GNL2: variants seen among roughly 807,000 people sequenced by gnomAD.
The protein encoded by GNL2 is G protein nucleolar 2.
Under a neutral mutation model 92.3 loss-of-function variants are expected in GNL2, and 51 were observed. The observed-to-expected ratio is 0.55, with a 90% CI of 0.44 to 0.70. The LOEUF (loss-of-function observed/expected upper bound fraction) is 0.70, where lower values mean the gene tolerates loss of function less well. GNL2 is among the 30% of genes least tolerant of loss of function. The probability of loss-of-function intolerance (pLI) is 0.00; values close to 1 mark genes in which losing one functional copy is unlikely to be tolerated. For synonymous variants in GNL2, 283 were observed against 300.6 expected, an observed-to-expected ratio of 0.94 and a Z score of 0.61; for missense variants, 844 against 895.6, an observed-to-expected ratio of 0.94 and a Z score of 0.74.
chr1:37,574,533 TC>T, intron 11 of GNL2, 77 bp from the exon 12 acceptor site: 1 of 1,405,136 alleles, frequency 7.1e-7, no homozygotes, highest in African/African-American at 1.4e-5. Flanking sequence ...ATTTCAGTTG[TC>T]CCAGGGGTTC....
intron 3 of GNL2, among the ~76,000 whole-genome samples, chr1:37,591,846 T>C (rs573637541): frequency 2.0e-5 from 3 of 152,300 alleles, no homozygotes; most frequent in Non-Finnish European, 4.4e-5. Flanking sequence ...TCTTATGAGA[T>C]AGGTTTCATC....
At chr1:37,573,888 C>CA (rs199717495) in intron 12 of GNL2, among the ~76,000 whole-genome samples, 2,585 of 152,112 alleles carry the variant, frequency 0.017, 22 homozygotes, top group Middle Eastern at 0.031. Flanking sequence ...GCTTCACCCT[C>CA]AAAAAAATTT....
intron 5 of GNL2, among the ~76,000 whole-genome samples, chr1:37,585,290 C>T (rs1643834830): frequency 6.6e-6 from 1 of 151,690 alleles, no homozygotes; most frequent in East Asian, 2.0e-4. Context: ...AACTACTGAC[C>T]TCAGGTGATC....
In GNL2 at chr1:37,575,212, T is replaced by C. The variant is rs1643660042; in HGVS notation, c.1143+383A>G. 6.6e-6 allele frequency among the ~76,000 whole-genome samples: 1 copy of C among 152,176 alleles called. No homozygotes were observed. The highest frequency in any genetic ancestry group is 2.4e-5 in the African/African-American group (1 of 41,442). On this transcript the variant is annotated intron_variant, in intron 10 of 15. Transcript: ENST00000373062. This position sits in a 1 kb window ranked among gnomAD's most constrained non-coding sequence, Gnocchi z 4.1. ...ACAGGATGTATAGCCAGAAGCATGG[T>C]CAAGGTTAAGTGGAACCATTTACAG...
chr1:37,567,679 T>C lies in GNL2; in HGVS notation c.2037A>G (p.Ser679=). ...HSNKAPRALT[S]KERRRAVRQQ... The stretch of plus-strand genomic sequence containing the variant: ...TAAAACCTATGACACTTACTTCTTT[T>C]GATGTAAGCGCCCTGGGAGCTTTAT... Residue 679 remains serine (S), a synonymous_variant, in exon 15 of 16, where the codon TCA becomes TCG. Coordinates refer to ENST00000373062, the MANE Select transcript of GNL2 (RefSeq NM_013285.3). 2 of 1,602,486 alleles carry C rather than the reference T, an allele frequency of 1.2e-6. No homozygotes were observed. The highest frequency in any genetic ancestry group is 2.2e-5 in the South Asian group (2 of 90,842).
At chr1:37,568,801 T>G in intron 13 of GNL2, 50 bp downstream of exon 13, 1 of 1,427,312 alleles carries the variant, frequency 7.0e-7, no homozygotes. Context: ...ATGGCAAATT[T>G]TTGGGAAAGG....
intron 6 of GNL2, among the ~76,000 whole-genome samples, chr1:37,583,652 T>C (rs1371038927): frequency 6.6e-6 from 1 of 152,226 alleles, no homozygotes; most frequent in Admixed American, 6.5e-5. Context: ...TAATAAAAGA[T>C]AGCTGTTACT....
At position 37,587,294 on chromosome 1, in the gene GNL2, CA is replaced by C. The variant is rs367923987; in HGVS notation, c.569+16del. The C allele has an allele frequency of 0.04, 39,821 of 994,032 alleles. 1 individual carries two copies. The highest frequency in any genetic ancestry group is 0.068 in the South Asian group (3,551 of 51,850). 61.6% of individuals were successfully genotyped at this position (994,032 alleles called of 1,614,324 possible). ...AAAAAAAAAAACAAAAACAAAGAAG[CA>C]AAAAAAAAAATGTACCTCACACCAG... On this transcript the variant is annotated intron_variant, in intron 5 of 15. Transcript: ENST00000373062.
At position 37,568,400 on chromosome 1, in the gene GNL2, C is replaced by T. The variant is rs769034959; in HGVS notation, c.1869-43G>A. The T allele has an allele frequency of 1.1e-5, 14 of 1,261,346 alleles. No homozygotes were observed. In the East Asian group the frequency reaches 2.3e-4, roughly 21 times the overall value. The allele number at this position is 1,261,346 out of a possible 1,614,324, so 78.1% of individuals were successfully genotyped here. ...AGTAACATTCCTCCTCTCACTCGCC[C>T]GAATCACATACTGACCTGGAGACCT... On this transcript the variant is annotated intron_variant, in intron 13 of 15. Transcript: ENST00000373062.
chr1:37,567,814 A>G (rs369802283), intron 14 of GNL2, 50 bp from the exon 15 acceptor site: 2 of 1,426,460 alleles, frequency 1.4e-6, no homozygotes, highest in Non-Finnish European at 2.0e-6. Context: ...AAATTTGTCT[A>G]TAAACCCAAC....
At chr1:37,585,070 T>A (rs1348871774) in intron 5 of GNL2, among the ~76,000 whole-genome samples, 2 of 135,812 alleles carry the variant, frequency 1.5e-5, no homozygotes, top group African/African-American at 2.8e-5. Context: ...TTTTTTTTTT[T>A]TTTTTTTGAG....
intron 5 of GNL2, among the ~76,000 whole-genome samples, chr1:37,586,687 T>C (rs1424693002): frequency 6.6e-6 from 1 of 152,190 alleles, no homozygotes; most frequent in African/African-American, 2.4e-5. Flanking sequence ...TTATGTTCTT[T>C]TTGTTGTATT....
At chr1:37,568,411 C>G in intron 13 of GNL2, 54 bp from the exon 14 acceptor site, 1 of 1,163,654 alleles carries the variant, frequency 8.6e-7, no homozygotes, top group East Asian at 2.3e-5. Flanking sequence ...GAATCACATA[C>G]TGACCTGGAG....
chr1:37,575,491 G>A lies in GNL2; in HGVS notation c.1143+104C>T. ...TTCCTAAAGTTTGGTCAGACAGGCT[G>A]ACCCCAAACTGCCTTCTTAATAAGT... is the stretch of plus-strand genomic sequence containing the variant. On this transcript the variant is annotated intron_variant, in intron 10 of 15. Transcript: ENST00000373062. The surrounding 1 kb of genome is among the most constrained non-coding windows in gnomAD (Gnocchi z 4.1). 2 of 625,916 alleles carry A rather than the reference G, an allele frequency of 3.2e-6. No homozygotes were observed. Among genetic ancestry groups the A allele is most frequent in the Non-Finnish European group, 5.5e-6 (2 of 361,482 alleles). 38.8% of individuals were successfully genotyped at this position (625,916 alleles called of 1,614,324 possible).
intron 15 of GNL2, among the ~76,000 whole-genome samples, chr1:37,567,446 T>C (rs2076519): frequency 6.6e-6 from 1 of 151,782 alleles, no homozygotes; most frequent in African/African-American, 2.4e-5. Context: ...CTCTAGAGGA[T>C]AGTCCACTCG....
chr1:37,588,691 G>A (rs1403316994), intron 4 of GNL2, among the ~76,000 whole-genome samples: 1 of 152,094 alleles, frequency 6.6e-6, no homozygotes, highest in Non-Finnish European at 1.5e-5. Context: ...AGTATATAAA[G>A]CACATATGCA....
chr1:37,584,951 G>A (rs890138455), intron 5 of GNL2, among the ~76,000 whole-genome samples: 5 of 151,668 alleles, frequency 3.3e-5, no homozygotes, highest in African/African-American at 7.2e-5. Flanking sequence ...ACGTGGTGGC[G>A]GGCACCTGTA....
chr1:37,589,787 C>T (rs1394962948), intron 4 of GNL2, among the ~76,000 whole-genome samples: 1 of 152,194 alleles, frequency 6.6e-6, no homozygotes, highest in Non-Finnish European at 1.5e-5. Context: ...CAGATTGAAT[C>T]CTTACTGCAC....
At chr1:37,574,177 C>T (rs1643638716) in intron 12 of GNL2, among the ~76,000 whole-genome samples, 166 bp downstream of exon 12, 1 of 152,144 alleles carries the variant, frequency 6.6e-6, no homozygotes, top group African/African-American at 2.4e-5. Context: ...AGGCGTGAGC[C>T]ACCCATGCCC....
Sources: gnomAD v4.1 joint callset for allele counts (sites outside exome capture counted in the v4.1 genomes callset) on GRCh38, gnomAD v4.1.1 for gene constraint, Gnocchi (gnomAD v3.1) non-coding constraint, MANE v1.5 for transcripts, NCBI Gene and HGNC (gene_info 2026-07-23, HGNC 2026-07-21) for gene names.